Variants in ILRUN observed in about 807,000 individuals in gnomAD.
The protein encoded by ILRUN is inflammation and lipid regulator with UBA-like and NBR1-like domains, also known as protein ILRUN.
In ILRUN, 3 loss-of-function variants were observed where a neutral mutation model predicts 33.8. That is an observed-to-expected ratio of 0.09 (90% CI 0.04 to 0.23). The LOEUF (loss-of-function observed/expected upper bound fraction) is 0.23. Ranked by LOEUF, ILRUN falls within the 10% of genes least tolerant of loss-of-function variation. The pLI is 1.00. For missense variants in ILRUN, 210 were observed against 375.1 expected (o/e 0.56, Z 3.64); for synonymous variants, 124 against 138.9 (o/e 0.89, Z 0.75).
Position 34,587,554 on chromosome 6 carries a change from C to T in ILRUN, c.*3011G>A, listed in dbSNP as rs1207011241. 2 of 152,728 alleles carry T rather than the reference C, an allele frequency of 1.3e-5. No homozygotes were observed. The highest frequency in any genetic ancestry group is 1.3e-4 in the Admixed American group (2 of 15,284). 9.5% of individuals were successfully genotyped at this position (152,728 alleles called of 1,614,324 possible). A position where few individuals can be genotyped will look rare whatever the true frequency, so the allele number is the denominator to read the frequency against. The stretch of plus-strand genomic sequence containing the variant: ...AGCCCTGGCAACCCTACCATCCTCT[C>T]CTGCTGGGCTCAGATTGAATTTGGG... On this transcript the variant is annotated 3_prime_UTR_variant, in exon 5 of 5. Transcript: ENST00000374023.
intron 1 of ILRUN, among the ~76,000 whole-genome samples, chr6:34,662,100 G>A (rs1762897797): frequency 7.9e-6 from 1 of 126,802 alleles, no homozygotes; most frequent in South Asian, 2.5e-4. Context: ...ACTCCAGACT[G>A]GGCGACAGAG....
intron 1 of ILRUN, among the ~76,000 whole-genome samples, chr6:34,667,812 A>T (rs1763035331): frequency 6.6e-6 from 1 of 152,210 alleles, no homozygotes; most frequent in Non-Finnish European, 1.5e-5. Context: ...TCAATGTCAT[A>T]GAATACCCAC....
rs1171734403 is a variant in ILRUN at position 34,602,432 on chromosome 6, A to G, written c.861+4123T>C. On this transcript the variant is annotated intron_variant, in intron 4 of 4. Transcript: ENST00000374023. The stretch of plus-strand genomic sequence containing the variant: ...TAACAGGACTTTTTTTTCTCTTTCC[A>G]CATCTCTGTGAATTGTTTTTCATCA... Among the ~76,000 whole-genome samples, 6 of 152,200 alleles carry G rather than the reference A, an allele frequency of 3.9e-5. No homozygotes were observed. In the South Asian group the frequency reaches 1.2e-3, roughly 32 times the overall value.
intron 4 of ILRUN, among the ~76,000 whole-genome samples, chr6:34,604,423 C>T (rs1338899931): frequency 6.6e-6 from 1 of 152,218 alleles, no homozygotes; most frequent in Admixed American, 6.5e-5. Context: ...GTGCCCTGGC[C>T]AAGAACAGCA....
chr6:34,655,100 G>A (rs533986031), intron 1 of ILRUN, among the ~76,000 whole-genome samples: 37 of 152,076 alleles, frequency 2.4e-4, no homozygotes, highest in African/African-American at 8.7e-4. Flanking sequence ...CTATAACTAC[G>A]GCATTCAAAG....
At chr6:34,653,170 GA>G (rs370883199) in intron 2 of ILRUN, among the ~76,000 whole-genome samples, 1 of 141,406 alleles carries the variant, frequency 7.1e-6, no homozygotes, top group Non-Finnish European at 1.5e-5. Flanking sequence ...AAGAAAGAAA[GA>G]AAAAAAATTT....
At chr6:34,693,883 G>A (rs1189481340) in intron 1 of ILRUN, among the ~76,000 whole-genome samples, 1 of 151,870 alleles carries the variant, frequency 6.6e-6, no homozygotes, top group Non-Finnish European at 1.5e-5. Context: ...GAGTGCAATG[G>A]TGCGATTTCA....
intron 3 of ILRUN, among the ~76,000 whole-genome samples, chr6:34,625,007 C>T (rs1762088222): frequency 1.3e-5 from 2 of 152,284 alleles, no homozygotes; most frequent in African/African-American, 4.8e-5. Flanking sequence ...ACAAACCTAG[C>T]TGGACCAGTG....
chr6:34,614,443 A>ATATATATATAT (rs775273061), intron 3 of ILRUN, among the ~76,000 whole-genome samples: 54 of 133,574 alleles, frequency 4.0e-4, no homozygotes, highest in African/African-American at 1.4e-3. Flanking sequence ...AAAAAAAAAA[A>ATATATATATAT]ATATATATAT....
intron 1 of ILRUN, among the ~76,000 whole-genome samples, chr6:34,662,619 T>C (rs1762913130): frequency 6.6e-6 from 1 of 152,216 alleles, no homozygotes; most frequent in Admixed American, 6.5e-5. Flanking sequence ...GAGGATTTTA[T>C]GCTAAGTGAA....
At chr6:34,643,559 T>TA (rs368635014) in intron 3 of ILRUN, among the ~76,000 whole-genome samples, 166 of 151,558 alleles carry the variant, frequency 1.1e-3, no homozygotes, top group African/African-American at 3.3e-3. Flanking sequence ...GTTAATAATG[T>TA]AAAAAAAAAC....
intron 3 of ILRUN, among the ~76,000 whole-genome samples, chr6:34,630,857 G>A (rs546083315): frequency 3.9e-5 from 6 of 152,146 alleles, no homozygotes; most frequent in Non-Finnish European, 1.5e-5. Flanking sequence ...TTCAGTTTTG[G>A]AATTTCTACT....
chr6:34,645,236 T>A lies in ILRUN; in HGVS notation c.511+1365A>T, dbSNP rs931932410. Among the ~76,000 whole-genome samples the A allele has an allele frequency of 3.9e-5, 6 of 152,166 alleles. No homozygotes were observed. In the East Asian group the frequency reaches 9.6e-4, roughly 24 times the overall value. On this transcript the variant is annotated intron_variant, in intron 3 of 4. Coordinates refer to ENST00000374023, the MANE Select transcript of ILRUN (RefSeq NM_024294.4). ...CTATTTACTATTTATTTGTTTTTGATCTCCAGGACACAGGATATAGTGGAA... is the reference window on the plus strand; with the variant it reads ...CTATTTACTATTTATTTGTTTTTGAACTCCAGGACACAGGATATAGTGGAA...
intron 3 of ILRUN, among the ~76,000 whole-genome samples, chr6:34,635,377 C>CA (rs1762338348): frequency 1.3e-5 from 2 of 151,914 alleles, no homozygotes; most frequent in South Asian, 4.1e-4. Context: ...TCAAAATGCA[C>CA]ATTAGCGGGG....
intron 3 of ILRUN, among the ~76,000 whole-genome samples, chr6:34,645,223 T>C (rs1482425698): frequency 1.3e-5 from 2 of 152,188 alleles, no homozygotes; most frequent in Non-Finnish European, 1.5e-5. Context: ...ATTTACTATT[T>C]ATTTGTTTTT....
intron 4 of ILRUN, among the ~76,000 whole-genome samples, chr6:34,605,454 C>T (rs1761609785): frequency 6.6e-6 from 1 of 151,650 alleles, no homozygotes; most frequent in African/African-American, 2.4e-5. Context: ...ATAGTGAAAC[C>T]CTGTCTCTAC....
chr6:34,642,579 G>A (rs1762493876), intron 3 of ILRUN, among the ~76,000 whole-genome samples: 1 of 152,142 alleles, frequency 6.6e-6, no homozygotes, highest in Admixed American at 6.5e-5. Context: ...AGAGGTGGAA[G>A]TGGGCCAGTC....
In ILRUN at chr6:34,646,668, G is replaced by A; in HGVS notation, c.444C>T (p.Ser148=). The change falls in exon 3 of 5, where the codon AGC becomes AGT. Residue 148 remains serine, a synonymous_variant. Transcript: ENST00000374023. The surrounding 1 kb of genome is among the most constrained non-coding windows in gnomAD (Gnocchi z 4.9). ...EIADVSVQMC[S]PSRAGMYQGQ... is the part of the protein sequence containing the mutation. ...CCTGATACATTCCTGCTCTGCTGGG[G>A]CTGCACATCTGGACGCTGACATCTG... 6.2e-7 allele frequency: 1 copy of A among 1,614,124 alleles called. No individual in the cohort carries two copies. The highest frequency in any genetic ancestry group is 8.5e-7 in the Non-Finnish European group (1 of 1,180,008).
intron 3 of ILRUN, among the ~76,000 whole-genome samples, chr6:34,641,035 C>T (rs923834710): frequency 1.8e-4 from 27 of 147,968 alleles, no homozygotes; most frequent in Admixed American, 1.8e-3. Flanking sequence ...GCTGAGATGA[C>T]GCCACTGCAC....
Sources: allele counts gnomAD v4.1 joint callset (sites outside exome capture counted in the v4.1 genomes callset), GRCh38; gene constraint gnomAD v4.1.1; non-coding constraint Gnocchi (gnomAD v3.1); transcripts MANE v1.5; gene names NCBI Gene and HGNC (gene_info 2026-07-23, HGNC 2026-07-21).